The following ANKS1B variants were observed in gnomAD, a reference collection of about 807,000 sequenced individuals.
ANKS1B encodes the protein ankyrin repeat and sterile alpha motif domain-containing protein 1B.
A neutral mutation model predicts 148.3 loss-of-function variants in ANKS1B; 36 were observed. The ratio of observed to expected loss-of-function variants is 0.24; its 90% CI spans 0.19 to 0.32. The LOEUF (loss-of-function observed/expected upper bound fraction) is 0.32. Ranked by LOEUF, ANKS1B falls within the 10% of genes least tolerant of loss-of-function variation. ANKS1B has a pLI of 1.00. For missense variants in ANKS1B, 1,157 were observed against 1,542.6 expected, an observed-to-expected ratio of 0.75 and a Z score of 4.19; for synonymous variants, 542 against 560.8, an observed-to-expected ratio of 0.97 and a Z score of 0.47.
At chr12:99,836,335 A>T (rs1015854774) in intron 1 of ANKS1B, among the ~76,000 whole-genome samples, 5 of 152,144 alleles carry the variant, frequency 3.3e-5, no homozygotes, top group Non-Finnish European at 5.9e-5. Flanking sequence ...TGGAGCAAAA[A>T]TAAATAATAG....
At chr12:99,936,602 A>G (rs1243829584) in intron 1 of ANKS1B, among the ~76,000 whole-genome samples, 2 of 152,136 alleles carry the variant, frequency 1.3e-5, no homozygotes, top group Non-Finnish European at 2.9e-5. Context: ...GGGAATATCT[A>G]CTTCTCCCTT....
At chr12:99,282,079 T>C (rs1326199105) in intron 12 of ANKS1B, among the ~76,000 whole-genome samples, 3 of 152,072 alleles carry the variant, frequency 2.0e-5, no homozygotes, top group East Asian at 1.9e-4. Context: ...AAGAAAAATA[T>C]AGAAGGTAAG....
At chr12:99,892,744 T>C (rs917897841) in intron 1 of ANKS1B, among the ~76,000 whole-genome samples, 3 of 152,204 alleles carry the variant, frequency 2.0e-5, no homozygotes, top group African/African-American at 7.2e-5. Flanking sequence ...CAAATGACTT[T>C]GGCTTATTTT....
chr12:99,260,380 C>A, intron 12 of ANKS1B, among the ~76,000 whole-genome samples: 1 of 152,146 alleles, frequency 6.6e-6, no homozygotes, highest in Non-Finnish European at 1.5e-5. Flanking sequence ...AGTAAAAGCT[C>A]TGAGAATGCA....
intron 8 of ANKS1B, among the ~76,000 whole-genome samples, chr12:99,727,018 C>T (rs1035815487): frequency 8.5e-5 from 13 of 152,060 alleles, no homozygotes; most frequent in African/African-American, 2.9e-4. Context: ...TTATGACAAA[C>T]CCACAGCCAA....
intron 17 of ANKS1B, among the ~76,000 whole-genome samples, chr12:99,015,313 G>C (rs1158504477): frequency 6.6e-6 from 1 of 152,106 alleles, no homozygotes; most frequent in Non-Finnish European, 1.5e-5. Flanking sequence ...TTATAAGTGG[G>C]AACTGAACGA....
At chr12:98,807,574 A>G (rs1214315171) in intron 20 of ANKS1B, among the ~76,000 whole-genome samples, 4 of 152,186 alleles carry the variant, frequency 2.6e-5, no homozygotes, top group African/African-American at 9.7e-5. Context: ...TTTAACACAG[A>G]CGCCTGGAAT....
At chr12:99,616,728 T>A (rs1020769070) in intron 9 of ANKS1B, among the ~76,000 whole-genome samples, 5 of 152,160 alleles carry the variant, frequency 3.3e-5, no homozygotes, top group Non-Finnish European at 7.3e-5. Flanking sequence ...GACATAGACA[T>A]GGGCAAAGAC....
At chr12:99,830,439 T>C (rs1056941824) in intron 1 of ANKS1B, among the ~76,000 whole-genome samples, 11 of 151,926 alleles carry the variant, frequency 7.2e-5, no homozygotes, top group Admixed American at 2.6e-4. Context: ...TAAATTTGAT[T>C]TAGAAGAATT....
intron 17 of ANKS1B, among the ~76,000 whole-genome samples, chr12:98,940,336 A>C (rs1266954567): frequency 6.6e-6 from 1 of 152,200 alleles, no homozygotes; most frequent in Non-Finnish European, 1.5e-5. Flanking sequence ...GGCACAGCCT[A>C]CTGATGCACT....
chr12:99,265,564 A>G (rs542163198), intron 12 of ANKS1B, among the ~76,000 whole-genome samples: 1 of 152,274 alleles, frequency 6.6e-6, no homozygotes, highest in South Asian at 2.1e-4. Context: ...GATCAGAACT[A>G]ACAGCAGTCA....
At position 98,745,782 on chromosome 12, in the gene ANKS1B, G is replaced by C; in HGVS notation, c.3815C>G (p.Ala1272Gly). The C allele has an allele frequency of 1.2e-6, 2 of 1,613,722 alleles. No individual in the cohort carries two copies. Among genetic ancestry groups the C allele is most frequent in the Non-Finnish European group, 1.7e-6 (2 of 1,179,768 alleles). ...LPWIVEPGQE[A>G]KRGINTKYET... Reference sequence around the variant, plus strand: ...ATACTTGGTATTAATGCCCCTCTTGGCTTCTTGGCCCGGCTCCACAATCCA... The same window carrying C: ...ATACTTGGTATTAATGCCCCTCTTGCCTTCTTGGCCCGGCTCCACAATCCA... Residue 1272 changes from alanine (A) to glycine (G), a missense_variant, in exon 27 of 27, where the codon GCC becomes GGC. Coordinates refer to ENST00000683438, the MANE Select transcript of ANKS1B (RefSeq NM_001352186.2).
At chr12:99,878,734 T>G (rs2092299709) in intron 1 of ANKS1B, among the ~76,000 whole-genome samples, 1 of 152,176 alleles carries the variant, frequency 6.6e-6, no homozygotes, top group Non-Finnish European at 1.5e-5. Context: ...TTTTTACTTC[T>G]TTTTTAGGAG....
intron 17 of ANKS1B, among the ~76,000 whole-genome samples, chr12:98,836,079 A>G (rs891454157): frequency 1.3e-5 from 2 of 152,140 alleles, no homozygotes. Flanking sequence ...CATGGCTAGG[A>G]TGTGCACCTG....
intron 4 of ANKS1B, among the ~76,000 whole-genome samples, chr12:99,802,240 C>T (rs375410734): frequency 1.6e-4 from 24 of 152,150 alleles, no homozygotes; most frequent in African/African-American, 5.5e-4. Flanking sequence ...GTCTAATTGG[C>T]TTAAGGTTGT....
chr12:99,078,716 T>C (rs1479826195), intron 16 of ANKS1B, among the ~76,000 whole-genome samples: 1 of 152,178 alleles, frequency 6.6e-6, no homozygotes, highest in African/African-American at 2.4e-5. Context: ...CATTATAAAA[T>C]GTACCTGGCC....
chr12:99,638,114 C>G (rs2098260850), intron 9 of ANKS1B, among the ~76,000 whole-genome samples: 1 of 152,078 alleles, frequency 6.6e-6, no homozygotes, highest in Non-Finnish European at 1.5e-5. Context: ...GTTTCCCTTT[C>G]TGCCACGAAC....
chr12:99,453,150 C>A (rs558232514), intron 10 of ANKS1B, among the ~76,000 whole-genome samples: 1 of 151,934 alleles, frequency 6.6e-6, no homozygotes, highest in Non-Finnish European at 1.5e-5. Flanking sequence ...ATTAGCCAGG[C>A]GTGGTGGTGG....
intron 8 of ANKS1B, among the ~76,000 whole-genome samples, chr12:99,724,911 T>C (rs1242161776): frequency 6.6e-6 from 1 of 152,140 alleles, no homozygotes; most frequent in Non-Finnish European, 1.5e-5. Context: ...AAACTAAGCT[T>C]CATAAGCAAA....
Sources: gnomAD v4.1 joint callset for allele counts (sites outside exome capture counted in the v4.1 genomes callset) on GRCh38, gnomAD v4.1.1 for gene constraint, MANE v1.5 for transcripts, NCBI Gene and HGNC (gene_info 2026-07-23, HGNC 2026-07-21) for gene names.